Variants in MACROD2 observed in about 807,000 individuals in gnomAD.
MACROD2 encodes ADP-ribose glycohydrolase MACROD2.
Under a neutral mutation model 70.4 loss-of-function variants are expected in MACROD2, and 36 were observed. The observed-to-expected ratio is 0.51, with a 90% CI of 0.39 to 0.68. The LOEUF is 0.68. Among genes scored for constraint, MACROD2 ranks in the 30% least tolerant of loss-of-function variants. The probability of loss-of-function intolerance (pLI) is 0.00; values close to 1 mark genes in which losing one functional copy is unlikely to be tolerated. For synonymous variants in MACROD2, 172 were observed against 178.8 expected (o/e 0.96, Z 0.30); for missense variants, 496 against 538.4 (o/e 0.92, Z 0.78).
chr20:14,440,966 C>G lies in MACROD2; in HGVS notation c.272-52513C>G, dbSNP rs149172433. On this transcript the variant is annotated intron_variant, in intron 3 of 17. Transcript: ENST00000684519. Reference sequence around the variant, plus strand: ...GTAAACAGAGCCTAGGACTCACCCCCTTTGCTAGATACCTTTGGACAGGAC... The same window carrying G: ...GTAAACAGAGCCTAGGACTCACCCCGTTTGCTAGATACCTTTGGACAGGAC... Among the ~76,000 whole-genome samples, 420 of 152,302 alleles carry G rather than the reference C, an allele frequency of 2.8e-3. 2 individuals carry two copies. The highest frequency in any genetic ancestry group is 9.1e-3 in the African/African-American group (378 of 41,558).
At chr20:14,005,484 C>T (rs1039307408) in intron 2 of MACROD2, among the ~76,000 whole-genome samples, 11 of 152,100 alleles carry the variant, frequency 7.2e-5, no homozygotes, top group Admixed American at 2.0e-4. Flanking sequence ...CTTGTCTCTC[C>T]TATTGTACTG....
chr20:14,154,240 T>G (rs538182445), intron 3 of MACROD2, among the ~76,000 whole-genome samples: 1 of 152,318 alleles, frequency 6.6e-6, no homozygotes, highest in South Asian at 2.1e-4. Context: ...TTCTCATTAT[T>G]CCTGACGAGT....
At chr20:15,259,660 C>T (rs1056798942) in intron 6 of MACROD2, among the ~76,000 whole-genome samples, 3 of 152,028 alleles carry the variant, frequency 2.0e-5, no homozygotes, top group African/African-American at 7.2e-5. Context: ...GCAGTGAAGA[C>T]AGAGATGATT....
At chr20:15,390,313 T>C (rs950766833) in intron 6 of MACROD2, among the ~76,000 whole-genome samples, 2 of 152,160 alleles carry the variant, frequency 1.3e-5, no homozygotes, top group Non-Finnish European at 2.9e-5. Context: ...CCCTATGAAA[T>C]ACAGTGCCCT....
chr20:16,001,780 T>TC (rs1240372811), intron 15 of MACROD2, among the ~76,000 whole-genome samples: 1 of 152,132 alleles, frequency 6.6e-6, no homozygotes, highest in Non-Finnish European at 1.5e-5. Context: ...CAAACATAGT[T>TC]CATAAAGTAA....
chr20:15,392,785 C>G (rs1185409614), intron 6 of MACROD2, among the ~76,000 whole-genome samples: 1 of 152,134 alleles, frequency 6.6e-6, no homozygotes, highest in East Asian at 1.9e-4. Context: ...CTCCCTCCCT[C>G]TCTGTCTTCC....
intron 5 of MACROD2, among the ~76,000 whole-genome samples, chr20:14,696,130 C>T (rs2071123129): frequency 1.3e-5 from 2 of 151,998 alleles, no homozygotes; most frequent in South Asian, 4.1e-4. Context: ...TCATAGGCAG[C>T]ATATTACATT....
At chr20:15,210,552 G>GTTTT (rs11333280) in intron 5 of MACROD2, among the ~76,000 whole-genome samples, 4 of 121,624 alleles carry the variant, frequency 3.3e-5, no homozygotes, top group South Asian at 2.8e-4. Flanking sequence ...CTTTTCTTCT[G>GTTTT]TTTTTTTTTT....
intron 6 of MACROD2, among the ~76,000 whole-genome samples, chr20:15,312,701 C>T (rs1038796736): frequency 2.0e-5 from 3 of 152,088 alleles, no homozygotes; most frequent in Non-Finnish European, 4.4e-5. Flanking sequence ...AAAGTAGGAA[C>T]AGCAGTTGCC....
At chr20:14,216,233 A>G (rs1367750947) in intron 3 of MACROD2, among the ~76,000 whole-genome samples, 7 of 152,080 alleles carry the variant, frequency 4.6e-5, no homozygotes, top group Admixed American at 6.5e-5. Context: ...TGGCTAGCCA[A>G]TTATTCCACC....
intron 4 of MACROD2, among the ~76,000 whole-genome samples, chr20:14,634,058 AT>A (rs1402689688): frequency 3.3e-5 from 5 of 152,134 alleles, no homozygotes; most frequent in Non-Finnish European, 5.9e-5. Context: ...GTCCAGGAGC[AT>A]TGCTCTCTTC....
At chr20:15,488,157 C>T (rs1050976336) in intron 7 of MACROD2, among the ~76,000 whole-genome samples, 1 of 152,030 alleles carries the variant, frequency 6.6e-6, no homozygotes, top group African/African-American at 2.4e-5. Flanking sequence ...TCTCCTAGGT[C>T]GTGTTTTTAA....
At chr20:14,537,965 T>G (rs955143794) in intron 4 of MACROD2, among the ~76,000 whole-genome samples, 1 of 152,214 alleles carries the variant, frequency 6.6e-6, no homozygotes, top group South Asian at 2.1e-4. Context: ...AATGTGGATC[T>G]CAAAATACCA....
rs1568745792 is a variant in MACROD2, at chr20:14,700,111, T to TTTAAATCTAGAAGTTTAAAGTTTAAAC, written c.418+15154_418+15155insAAATCTAGAAGTTTAAAGTTTAAACTT. Among the ~76,000 whole-genome samples the TTTAAATCTAGAAGTTTAAAGTTTAAAC allele has an allele frequency of 5.8e-4, 88 of 151,124 alleles. 1 individual carries two copies. The highest frequency in any genetic ancestry group is 4.2e-3 in the South Asian group (20 of 4,790). On this transcript the variant is annotated intron_variant, in intron 5 of 17. Transcript: ENST00000684519. ...TAAATCTAGAAGTTTAAAGTTTAAA[T>TTTAAATCTAGAAGTTTAAAGTTTAAAC]TTTAAATCTAGAAGTTTAAAGTTTA...
At chr20:14,449,056 A>G (rs2084216506) in intron 3 of MACROD2, among the ~76,000 whole-genome samples, 1 of 152,092 alleles carries the variant, frequency 6.6e-6, no homozygotes, top group South Asian at 2.1e-4. Context: ...AAGAAACTGA[A>G]GAAAGAGGAG....
chr20:15,389,348 G>A (rs1185129834), intron 6 of MACROD2, among the ~76,000 whole-genome samples: 1 of 152,122 alleles, frequency 6.6e-6, no homozygotes, highest in Non-Finnish European at 1.5e-5. Flanking sequence ...AGAAGGAGAA[G>A]GAAGAGTGAA....
chr20:14,784,670 G>GT (rs1015091367), intron 5 of MACROD2, among the ~76,000 whole-genome samples: 3 of 37,010 alleles, frequency 8.1e-5, no homozygotes, highest in Non-Finnish European at 1.3e-4. Flanking sequence ...GTTTTAAGTG[G>GT]GGGGGGGGGG....
chr20:15,286,566 T>C (rs945283910), intron 6 of MACROD2, among the ~76,000 whole-genome samples: 3 of 150,608 alleles, frequency 2.0e-5, no homozygotes, highest in African/African-American at 7.3e-5. Flanking sequence ...ATAAGATATG[T>C]TTTATATGCC....
intron 8 of MACROD2, among the ~76,000 whole-genome samples, chr20:15,530,231 T>C (rs1157274126): frequency 6.6e-6 from 1 of 152,062 alleles, no homozygotes; most frequent in African/African-American, 2.4e-5. Flanking sequence ...AAGAGGACAG[T>C]TGAGGTTCAT....
Sources: allele counts gnomAD v4.1 joint callset (sites outside exome capture counted in the v4.1 genomes callset), GRCh38; gene constraint gnomAD v4.1.1; transcripts MANE v1.5; gene names NCBI Gene and HGNC (gene_info 2026-07-23, HGNC 2026-07-21).